Variants in PSMG4 observed in about 807,000 individuals in gnomAD.
The protein encoded by PSMG4 is proteasome assembly chaperone 4.
A neutral mutation model predicts 11.0 loss-of-function variants in PSMG4; 10 were observed. The observed-to-expected ratio is 0.91, with a 90% confidence interval of 0.56 to 1.54. The LOEUF is 1.54. PSMG4 is among the 40% of genes most tolerant of loss of function. The pLI, the probability that PSMG4 is intolerant of heterozygous loss-of-function variation, is 0.00. For missense variants in PSMG4, 198 were observed against 160.9 expected, an observed-to-expected ratio of 1.23 and a Z score of -1.25; for synonymous variants, 95 against 71.3, an observed-to-expected ratio of 1.33 and a Z score of -1.68.
At chr6:3,260,291 A>ATATATATATATATATATTTTTTTTTTT in intron 1 of PSMG4, among the ~76,000 whole-genome samples, 2 of 70,866 alleles carry the variant, frequency 2.8e-5, no homozygotes, top group East Asian at 4.6e-4. Context: ...ATATATATAT[A>ATATATATATATATATATTTTTTTTTTT]TTTTTTTTTT....
upstream of PSMG4, among the ~76,000 whole-genome samples, chr6:3,254,489 G>T (rs1054141259): frequency 6.6e-6 from 1 of 152,014 alleles, no homozygotes; most frequent in Admixed American, 6.6e-5. Context: ...ATTGTTGCTG[G>T]TGGTTTTTTG....
chr6:3,265,885 A>G (rs1184504560), intron 2 of PSMG4: 2 of 151,062 alleles, frequency 1.3e-5, no homozygotes, highest in African/African-American at 2.4e-5. Context: ...AGCTCTTGGA[A>G]TAACCGAACA....
At chr6:3,263,998 TGG>T in intron 2 of PSMG4, 1 of 1,317,172 alleles carries the variant, frequency 7.6e-7, no homozygotes, top group Middle Eastern at 2.4e-4. Context: ...ACCTCGTCCT[TGG>T]GTGTGTCCTT....
intron 2 of PSMG4, chr6:3,264,503 C>T: frequency 1.6e-6 from 2 of 1,223,208 alleles, no homozygotes; most frequent in Non-Finnish European, 2.2e-6. Flanking sequence ...ACCTCTGTGT[C>T]AGTCACACTG....
At chr6:3,254,453 T>TTA (rs1554128574), upstream of PSMG4, among the ~76,000 whole-genome samples, 4 of 151,004 alleles carry the variant, frequency 2.6e-5, no homozygotes, top group Admixed American at 6.6e-5. Context: ...GTTTTCTGCT[T>TTA]TTTTTGTGTG....
intron 2 of PSMG4, chr6:3,266,788 TA>T (rs1162079811): frequency 2.0e-5 from 3 of 152,006 alleles, no homozygotes; most frequent in African/African-American, 4.8e-5. Flanking sequence ...CATGGAAACG[TA>T]GGAGGGAGGG....
At chr6:3,260,289 A>ATTTTTTTTT (rs1264357024) in intron 1 of PSMG4, among the ~76,000 whole-genome samples, 511 of 30,926 alleles carry the variant, frequency 0.017, 3 homozygotes, top group Non-Finnish European at 0.025. Flanking sequence ...ATATATATAT[A>ATTTTTTTTT]TATTTTTTTT....
intron 1 of PSMG4, among the ~76,000 whole-genome samples, chr6:3,261,912 C>T (rs531681125): frequency 1.6e-4 from 24 of 152,316 alleles, no homozygotes; most frequent in African/African-American, 5.3e-4. Flanking sequence ...TATCTGGTCC[C>T]TCTCAGGAAT....
At chr6:3,259,229 G>T (rs9501962) in intron 1 of PSMG4, 33 bp downstream of exon 1, 997,768 of 1,257,396 alleles carry the variant, frequency 0.79, 402,454 homozygotes, top group Non-Finnish European at 0.83. Context: ...TGCGGGCGGC[G>T]GGGCGGGGGC....
intron 2 of PSMG4, chr6:3,266,764 CAT>C (rs886287926): frequency 6.6e-6 from 1 of 151,844 alleles, no homozygotes; most frequent in African/African-American, 2.4e-5. Context: ...TGTGTATACA[CAT>C]ATATGCAAAT....
chr6:3,254,422 G>T (rs569418441), upstream of PSMG4, among the ~76,000 whole-genome samples: 3 of 149,724 alleles, frequency 2.0e-5, no homozygotes, highest in Admixed American at 6.8e-5. Context: ...ATCTGAGGAG[G>T]TATGGCTTTG....
At chr6:3,262,370 C>T (rs1758022332) in intron 1 of PSMG4, among the ~76,000 whole-genome samples, 2 of 152,222 alleles carry the variant, frequency 1.3e-5, no homozygotes, top group South Asian at 2.1e-4. Context: ...GAAGGTTTAA[C>T]TGTACATACT....
chr6:3,258,935 C>T, upstream of PSMG4: 2 of 1,186,142 alleles, frequency 1.7e-6, no homozygotes, highest in Non-Finnish European at 2.1e-6. Context: ...CGCGCTCGGT[C>T]TCTCGGTGCT....
chr6:3,255,082 C>A (rs1325109169), upstream of PSMG4: 1 of 1,550,900 alleles, frequency 6.4e-7, no homozygotes, highest in Non-Finnish European at 8.7e-7. Flanking sequence ...GCTTCTATTC[C>A]TAAGAAGTTG....
chr6:3,258,894 AC>A (rs1328971337), upstream of PSMG4: 15 of 934,106 alleles, frequency 1.6e-5, no homozygotes, highest in Middle Eastern at 3.8e-4. Flanking sequence ...CACGCCCCTC[AC>A]CCCCGCCCTT....
chr6:3,261,664 C>T (rs755981896), intron 1 of PSMG4, among the ~76,000 whole-genome samples: 2 of 152,190 alleles, frequency 1.3e-5, no homozygotes, highest in South Asian at 2.1e-4. Flanking sequence ...GTGTTCTCTC[C>T]AGGGGCAGAG....
At chr6:3,255,324 C>A, upstream of PSMG4, 2 of 1,494,948 alleles carry the variant, frequency 1.3e-6, no homozygotes, top group Non-Finnish European at 1.8e-6. Context: ...AGGCTAACGG[C>A]AACTGGTGGA....
At chr6:3,258,316 T>G (rs921516930), upstream of PSMG4, among the ~76,000 whole-genome samples, 1 of 152,248 alleles carries the variant, frequency 6.6e-6, no homozygotes, top group South Asian at 2.1e-4. Context: ...CCCGAGGCCA[T>G]GTACATGACT....
At chr6:3,260,608 C>T (rs1484020748) in intron 1 of PSMG4, among the ~76,000 whole-genome samples, 1 of 152,042 alleles carries the variant, frequency 6.6e-6, no homozygotes, top group African/African-American at 2.4e-5. Flanking sequence ...CCTAAAGTGC[C>T]GGGATTATAG....
Sources: gnomAD v4.1 joint callset for allele counts (sites outside exome capture counted in the v4.1 genomes callset) on GRCh38, gnomAD v4.1.1 for gene constraint, MANE v1.5 for transcripts, NCBI Gene and HGNC (gene_info 2026-07-23, HGNC 2026-07-21) for gene names.